Variants in LARGE1 observed in about 807,000 individuals in gnomAD.
LARGE1 encodes the protein xylosyl- and glucuronyltransferase LARGE1.
LARGE1 carries 43 observed loss-of-function variants against 87.6 expected under a neutral mutation model. That is an observed-to-expected ratio of 0.49 (90% confidence interval 0.38 to 0.63). LARGE1 has a LOEUF of 0.63. Ranked by LOEUF, LARGE1 falls within the 30% of genes least tolerant of loss-of-function variation. LARGE1 has a pLI of 0.00. For missense variants in LARGE1, 802 were observed against 1,000.2 expected (o/e 0.80, Z 2.67); for synonymous variants, 434 against 394.6 (o/e 1.10, Z -1.18).
the LARGE1 span, chr22:33,109,023 T>C: frequency 6.6e-6 from 1 of 152,224 alleles, no homozygotes; most frequent in East Asian, 1.9e-4. Flanking sequence ...AATAAAATTC[T>C]ACCTGTGAAA....
intron 1 of LARGE1, among the ~76,000 whole-genome samples, chr22:33,895,212 T>C (rs1004738473): frequency 6.6e-6 from 1 of 152,096 alleles, no homozygotes; most frequent in Non-Finnish European, 1.5e-5. Flanking sequence ...TAACTATGAA[T>C]GCACTTGAGC....
chr22:33,383,642 A>C (rs1002394439), intron 8 of LARGE1, among the ~76,000 whole-genome samples: 7 of 152,316 alleles, frequency 4.6e-5, no homozygotes, highest in Admixed American at 4.6e-4. Flanking sequence ...CCTGCATAGC[A>C]AGGTGGTTTT....
chr22:33,177,073 C>T (rs146350132), intron 11 of LARGE1, among the ~76,000 whole-genome samples: 4 of 152,274 alleles, frequency 2.6e-5, no homozygotes, highest in South Asian at 2.1e-4. Context: ...AACCAATCAT[C>T]GCATGTTCTC....
At chr22:33,093,905 G>T in the LARGE1 span, among the ~76,000 whole-genome samples, 1 of 129,770 alleles carries the variant, frequency 7.7e-6, no homozygotes, top group Non-Finnish European at 1.6e-5. Flanking sequence ...TTAACTCACC[G>T]CAACCTCCTG....
chr22:33,341,057 A>C (rs1437886308), intron 9 of LARGE1, among the ~76,000 whole-genome samples: 1 of 148,730 alleles, frequency 6.7e-6, no homozygotes, highest in Non-Finnish European at 1.5e-5. Context: ...ACTATCTCCC[A>C]TTCCCCCACA....
chr22:33,266,733 G>A (rs1172790053), intron 11 of LARGE1, among the ~76,000 whole-genome samples: 1 of 151,622 alleles, frequency 6.6e-6, no homozygotes, highest in Non-Finnish European at 1.5e-5. Context: ...TACGTATGAC[G>A]GGTTTGGGAA....
Position 33,304,497 on chromosome 22 carries a change from G to A in LARGE1, c.1462C>T (p.Leu488=), listed in dbSNP as rs759041475. Residue 488 remains leucine, a synonymous_variant, in exon 12 of 15, where the codon CTG becomes TTG. Coordinates refer to ENST00000397394, the MANE Select transcript of LARGE1 (RefSeq NM_133642.5). ...AQLSMDRLQM[L]EAICKHWEGP... ...TCCCAGTGCTTGCAGATGGCCTCCAGCATCTGGAGCCTGGAAGAGACAGGG... is the reference window on the plus strand; with the variant it reads ...TCCCAGTGCTTGCAGATGGCCTCCAACATCTGGAGCCTGGAAGAGACAGGG... 1.0e-5 allele frequency: 16 copies of A among 1,598,122 alleles called. 1 individual carries two copies. The highest frequency in any genetic ancestry group is 1.9e-4 in the Middle Eastern group (1 of 5,134).
At chr22:33,440,890 T>G (rs1006616680) in intron 6 of LARGE1, among the ~76,000 whole-genome samples, 11 of 152,222 alleles carry the variant, frequency 7.2e-5, no homozygotes, top group Non-Finnish European at 1.6e-4. Context: ...GTGATGGTCT[T>G]AATGACTTCT....
chr22:33,906,987 T>C lies in LARGE1; in HGVS notation c.-83+13008A>G, dbSNP rs73882347. Among the ~76,000 whole-genome samples the C allele has an allele frequency of 6.5e-3, 994 of 152,056 alleles. 10 individuals are homozygous for C. The highest frequency in any genetic ancestry group is 0.023 in the African/African-American group (945 of 41,446). ...GCTGTATTTCCAAAGGAGTTATAGA[T>C]AATTCCAAGCAGAAGAAAAAGGAAA... is the stretch of plus-strand genomic sequence containing the variant. On this transcript the variant is annotated intron_variant, in intron 1 of 14. Transcript: ENST00000397394.
intron 1 of LARGE1, among the ~76,000 whole-genome samples, chr22:33,841,798 G>T (rs1451409915): frequency 6.6e-6 from 1 of 152,206 alleles, no homozygotes; most frequent in Non-Finnish European, 1.5e-5. Context: ...TACAAAGTCA[G>T]AAAGCCAAGA....
At chr22:33,313,378 G>A (rs554972476) in intron 11 of LARGE1, among the ~76,000 whole-genome samples, 1 of 152,126 alleles carries the variant, frequency 6.6e-6, no homozygotes, top group Middle Eastern at 3.4e-3. Flanking sequence ...TAGAATCGGT[G>A]CACCTCCTGC....
intron 5 of LARGE1, among the ~76,000 whole-genome samples, chr22:33,592,065 A>AGGGAGGGGAGGAGAGAGGAG (rs1569296820): frequency 1.1e-5 from 1 of 92,198 alleles, no homozygotes; most frequent in Admixed American, 1.5e-4. Context: ...GGAGAGGAGA[A>AGGGAGGGGAGGAGAGAGGAG]GGGAGGGGAG....
intron 5 of LARGE1, among the ~76,000 whole-genome samples, chr22:33,594,709 C>T (rs375805607): frequency 1.3e-5 from 2 of 152,280 alleles, no homozygotes; most frequent in African/African-American, 4.8e-5. Context: ...TGGGTTCAAG[C>T]GATTCTCCTG....
At chr22:33,356,440 G>A (rs369268826) in intron 9 of LARGE1, among the ~76,000 whole-genome samples, 4 of 152,122 alleles carry the variant, frequency 2.6e-5, no homozygotes, top group Admixed American at 1.3e-4. Context: ...CTTAGGCAAG[G>A]TGTTTAACCT....
At chr22:33,767,943 G>A (rs1244959029) in intron 1 of LARGE1, among the ~76,000 whole-genome samples, 1 of 152,240 alleles carries the variant, frequency 6.6e-6, no homozygotes, top group Admixed American at 6.5e-5. Context: ...CGTCTTCAGT[G>A]AACCTTTCTT....
At chr22:33,622,430 G>A (rs573036769) in intron 4 of LARGE1, among the ~76,000 whole-genome samples, 13 of 152,320 alleles carry the variant, frequency 8.5e-5, no homozygotes, top group African/African-American at 2.9e-4. Context: ...TAAGCTGTGA[G>A]TCAATTAAAC....
At chr22:33,221,781 G>A (rs1925468589) in intron 11 of LARGE1, 1 of 152,192 alleles carries the variant, frequency 6.6e-6, no homozygotes, top group Non-Finnish European at 1.5e-5. Flanking sequence ...GGTTGACCCA[G>A]ATATGAAACT....
intron 6 of LARGE1, among the ~76,000 whole-genome samples, chr22:33,514,224 T>C (rs1161796717): frequency 6.6e-6 from 1 of 151,766 alleles, no homozygotes; most frequent in African/African-American, 2.4e-5. Context: ...TACTGAGGGA[T>C]GACTGTGTGT....
the LARGE1 span, among the ~76,000 whole-genome samples, chr22:33,104,598 G>C: frequency 1.3e-5 from 2 of 152,206 alleles, no homozygotes; most frequent in African/African-American, 4.8e-5. Flanking sequence ...AAATATGCAA[G>C]AGGTGCTATA....
Sources: allele counts gnomAD v4.1 joint callset (sites outside exome capture counted in the v4.1 genomes callset), GRCh38; gene constraint gnomAD v4.1.1; transcripts MANE v1.5; gene names NCBI Gene and HGNC (gene_info 2026-07-23, HGNC 2026-07-21).